Variants in PRKD2 observed in about 807,000 individuals in gnomAD.
PRKD2 encodes serine/threonine-protein kinase D2.
PRKD2 carries 22 observed loss-of-function variants against 86.0 expected under a neutral mutation model. That is an observed-to-expected ratio of 0.26 (90% CI 0.18 to 0.37). The LOEUF (loss-of-function observed/expected upper bound fraction) is 0.37, where lower values mean the gene tolerates loss of function less well. PRKD2 is among the 10% of genes least tolerant of loss of function. The probability of loss-of-function intolerance (pLI) is 1.00; values close to 1 mark genes in which losing one functional copy is unlikely to be tolerated. For synonymous variants in PRKD2, 509 were observed against 510.9 expected (o/e 1.00, Z 0.05); for missense variants, 818 against 1,199.2 (o/e 0.68, Z 4.70).
Position 46,689,718 on chromosome 19 carries a change from G to A in PRKD2, c.1810-20C>T. On this transcript the variant is annotated intron_variant, in intron 13 of 17. Coordinates refer to ENST00000291281, the MANE Select transcript of PRKD2 (RefSeq NM_016457.5). ...CAGGCTCTGCAGGGTGGGGAGCGGGGTCAGGGCCCAGGTAACCCACAAACT... is the reference window on the plus strand; with the variant it reads ...CAGGCTCTGCAGGGTGGGGAGCGGGATCAGGGCCCAGGTAACCCACAAACT... The A allele has an allele frequency of 6.2e-7, 1 of 1,613,628 alleles. No individual in the cohort carries two copies. Among genetic ancestry groups the A allele is most frequent in the Non-Finnish European group, 8.5e-7 (1 of 1,179,770 alleles).
chr19:46,680,952 T>A (rs1374490271), intron 15 of PRKD2, among the ~76,000 whole-genome samples: 494 of 48,452 alleles, frequency 0.01, 3 homozygotes, highest in African/African-American at 0.022. Flanking sequence ...ATATATTTTT[T>A]TTTTTTTTTT....
Position 46,704,605 on chromosome 19 carries a change from T to C in PRKD2, c.556A>G (p.Asn186Asp). 6.2e-7 allele frequency: 1 copy of C among 1,613,680 alleles called. No individual in the cohort carries two copies. Among genetic ancestry groups the C allele is most frequent in the Non-Finnish European group, 8.5e-7 (1 of 1,179,768 alleles). ...YHKRCAFSIP[N>D]NCSGARKRRL... ...CGTTTGCGGGCCCCACTACAGTTGT[T>C]GGGGATGCTGAAGGCACAGCGCTTG... is the stretch of plus-strand genomic sequence containing the variant. The change falls in exon 4 of 18, where the codon AAC (asparagine) becomes GAC (aspartate). Residue 186 changes from asparagine to aspartate, a missense_variant. Asn to Asp is a conservative substitution (Grantham distance 23). This residue lies in a region of PRKD2 where 403 missense variants were observed against 518.6 expected (regional missense o/e 0.78). Coordinates refer to ENST00000291281, the MANE Select transcript of PRKD2 (RefSeq NM_016457.5).
intron 15 of PRKD2, 50 bp downstream of exon 15, chr19:46,681,600 G>GCCCC: frequency 1.0e-5 from 3 of 286,144 alleles, no homozygotes; most frequent in Non-Finnish European, 2.1e-5. Flanking sequence ...CCCCACCCCG[G>GCCCC]CCATCAGTGT....
At chr19:46,687,210 T>C (rs1321115416) in intron 14 of PRKD2, among the ~76,000 whole-genome samples, 1 of 152,026 alleles carries the variant, frequency 6.6e-6, no homozygotes. Context: ...CTGGGCAACA[T>C]AGCAAGTCTT....
Position 46,716,205 on chromosome 19 carries a change from C to A in PRKD2, c.166G>T (p.Glu56Ter). 1 of 1,610,852 alleles carries A rather than the reference C, an allele frequency of 6.2e-7. No homozygotes were observed. Among genetic ancestry groups the A allele is most frequent in the Non-Finnish European group, 8.5e-7 (1 of 1,179,144 alleles). The change falls in exon 1 of 18, where the codon GAG becomes TAG. Residue 56 changes from glutamate to a stop codon, truncating the protein, a stop_gained. Transcript: ENST00000291281. LOFTEE classifies it high-confidence loss of function. This position sits in a 1 kb window ranked among gnomAD's most constrained non-coding sequence, Gnocchi z 7.9. ...GAGGCGGCGGGCAACAGCACGAACTCGCGGGTCAGCCCGATCTGGATGTGA... is the reference window on the plus strand; with the variant it reads ...GAGGCGGCGGGCAACAGCACGAACTAGCGGGTCAGCCCGATCTGGATGTGA... ...SFHIQIGLTR[E>*]FVLLPAASEL...
chr19:46,696,323 G>T (rs2122698787), intron 9 of PRKD2, among the ~76,000 whole-genome samples: 1 of 152,216 alleles, frequency 6.6e-6, no homozygotes, highest in African/African-American at 2.4e-5. Flanking sequence ...GGCTGTGGGG[G>T]AAATGACAGA....
chr19:46,709,216 C>G (rs528215782), intron 3 of PRKD2: 1 of 156,922 alleles, frequency 6.4e-6, no homozygotes, highest in African/African-American at 2.4e-5. Flanking sequence ...CCTCATGATC[C>G]GCCTGCCTCA....
intron 14 of PRKD2, among the ~76,000 whole-genome samples, chr19:46,683,666 C>G (rs1218808051): frequency 6.6e-6 from 1 of 151,880 alleles, no homozygotes; most frequent in East Asian, 1.9e-4. Flanking sequence ...TGCAGTGAGT[C>G]GACATCGCGC....
chr19:46,702,038 GTTTT>G (rs869093299), intron 5 of PRKD2, among the ~76,000 whole-genome samples: 4 of 131,670 alleles, frequency 3.0e-5, no homozygotes, highest in African/African-American at 1.1e-4. Context: ...TCTGTTTTTT[GTTTT>G]TTTTTTTTTT....
intron 3 of PRKD2, among the ~76,000 whole-genome samples, chr19:46,708,755 G>T (rs1186924904): frequency 6.6e-6 from 1 of 152,180 alleles, no homozygotes; most frequent in African/African-American, 2.4e-5. Flanking sequence ...TGTCTTTCCA[G>T]CCTCTCACAA....
At chr19:46,704,927 A>T (rs1312376055) in intron 3 of PRKD2, among the ~76,000 whole-genome samples, 1 of 145,550 alleles carries the variant, frequency 6.9e-6, no homozygotes. Flanking sequence ...TCTCACTCCA[A>T]CAAGGGACAC....
intron 1 of PRKD2, chr19:46,714,300 A>T (rs2053852109): frequency 1.7e-6 from 2 of 1,174,974 alleles, no homozygotes; most frequent in Non-Finnish European, 2.1e-6. Context: ...AACCTGGCGG[A>T]GGTGGGAGGG....
At chr19:46,675,846 G>A (rs2053193260) in intron 16 of PRKD2, among the ~76,000 whole-genome samples, 1 of 151,728 alleles carries the variant, frequency 6.6e-6, no homozygotes, top group Admixed American at 6.6e-5. Flanking sequence ...GCTCACTGAA[G>A]CCTCCACCTC....
Position 46,678,777 on chromosome 19 carries a change from T to A in PRKD2, c.2071-114A>T. On this transcript the variant is annotated intron_variant, in intron 15 of 17. Coordinates refer to ENST00000291281, the MANE Select transcript of PRKD2 (RefSeq NM_016457.5). This position sits in a 1 kb window ranked among gnomAD's most constrained non-coding sequence, Gnocchi z 5.7. The stretch of plus-strand genomic sequence containing the variant: ...AGAGAAAGCTGGATGCTGGTTTGAA[T>A]CCAGGCTCCTTGGCTCACTAGCTGA... 7.6e-7 allele frequency: 1 copy of A among 1,307,636 alleles called. No individual in the cohort carries two copies. The highest frequency in any genetic ancestry group is 1.0e-6 in the Non-Finnish European group (1 of 966,918). 81.0% of individuals were successfully genotyped at this position (1,307,636 alleles called of 1,614,324 possible). A position where few individuals can be genotyped will look rare whatever the true frequency, so the allele number is the denominator to read the frequency against.
rs972701374 is a variant in PRKD2, at chr19:46,706,372, C to T, written c.512-1723G>A. Among the ~76,000 whole-genome samples, 5 of 152,196 alleles carry T rather than the reference C, an allele frequency of 3.3e-5. No homozygotes were observed. In the South Asian group the frequency reaches 8.3e-4, roughly 25 times the overall value. ...TCCAGGCTTTCCAGTTCCACACCTCCTCATTGTAGGCACTGTCTTGGCTGC... is the reference window on the plus strand; with the variant it reads ...TCCAGGCTTTCCAGTTCCACACCTCTTCATTGTAGGCACTGTCTTGGCTGC... On this transcript the variant is annotated intron_variant, in intron 3 of 17. Transcript: ENST00000291281.
intron 12 of PRKD2, 144 bp from the exon 13 acceptor site, chr19:46,690,850 G>A: frequency 1.5e-6 from 1 of 662,868 alleles, no homozygotes; most frequent in South Asian, 1.8e-5. Flanking sequence ...GGAGATACGT[G>A]AAAAGGCCAC....
In PRKD2 at chr19:46,680,942, A is replaced by T. The variant is rs1013513561; in HGVS notation, c.2070+708T>A. Among the ~76,000 whole-genome samples the T allele has an allele frequency of 8.1e-3, 389 of 48,144 alleles. 6 individuals carry two copies. The highest frequency in any genetic ancestry group is 0.026 in the South Asian group (31 of 1,202). 31.6% of individuals were successfully genotyped at this position (48,144 alleles called of 152,430 possible). ...GGATAAACTATATATATATATATAT[A>T]TATATTTTTTTTTTTTTTTTTGAGA... is the stretch of plus-strand genomic sequence containing the variant. On this transcript the variant is annotated intron_variant, in intron 15 of 17. Transcript: ENST00000291281.
rs2122192618 is a variant in PRKD2 at position 46,716,287 on chromosome 19, C to A, written c.84G>T (p.Leu28=). The A allele has an allele frequency of 6.4e-7, 1 of 1,560,910 alleles. No individual in the cohort carries two copies. The highest frequency in any genetic ancestry group is 2.4e-5 in the East Asian group (1 of 41,014). The stretch of plus-strand genomic sequence containing the variant: ...GGGGCAGTAGCGGTGGCGGCGACTG[C>A]AGCTCTAGGCCGCCGGGGGGCGGAG... ...GSPPPPGGLE[L]QSPPPLLPQI... Residue 28 remains leucine, a synonymous_variant, in exon 1 of 18, where the codon CTG becomes CTT. Transcript: ENST00000291281. This position sits in a 1 kb window ranked among gnomAD's most constrained non-coding sequence, Gnocchi z 7.9.
intron 14 of PRKD2, among the ~76,000 whole-genome samples, chr19:46,687,305 T>C (rs940094397): frequency 1.3e-5 from 2 of 152,184 alleles, no homozygotes; most frequent in East Asian, 1.9e-4. Context: ...GGCAGGAGAA[T>C]TGCTTGAACC....
Sources: allele counts gnomAD v4.1 joint callset (sites outside exome capture counted in the v4.1 genomes callset), GRCh38; gene constraint gnomAD v4.1.1; regional missense constraint gnomAD v4.1.1; non-coding constraint Gnocchi (gnomAD v3.1); transcripts MANE v1.5; gene names NCBI Gene and HGNC (gene_info 2026-07-23, HGNC 2026-07-21).